The following LRRTM4 variants were observed in gnomAD, a reference collection of about 807,000 sequenced individuals.
The protein encoded by LRRTM4 is leucine rich repeat transmembrane neuronal 4.
Under a neutral mutation model 47.6 loss-of-function variants are expected in LRRTM4, and 25 were observed. The ratio of observed to expected loss-of-function variants is 0.53; its 90% CI spans 0.38 to 0.73. The LOEUF is 0.73. Ranked by LOEUF, LRRTM4 falls within the 30% of genes least tolerant of loss-of-function variation. The probability of loss-of-function intolerance (pLI) is 0.00; values close to 1 mark genes in which losing one functional copy is unlikely to be tolerated. For synonymous variants in LRRTM4, 311 were observed against 269.5 expected (o/e 1.15, Z -1.51); for missense variants, 638 against 713.4 (o/e 0.89, Z 1.20).
chr2:77,231,219 A>G (rs753127822), intron 3 of LRRTM4, among the ~76,000 whole-genome samples: 11 of 152,032 alleles, frequency 7.2e-5, no homozygotes, highest in Non-Finnish European at 1.5e-4. Flanking sequence ...ACACACACAC[A>G]CATGCACACA....
chr2:77,438,570 C>G (rs1385375652), intron 3 of LRRTM4, among the ~76,000 whole-genome samples: 1 of 151,812 alleles, frequency 6.6e-6, no homozygotes, highest in Non-Finnish European at 1.5e-5. Context: ...CCACTCCAGG[C>G]TGATTTTTTA....
chr2:76,770,801 G>A (rs1451959607), intron 3 of LRRTM4, among the ~76,000 whole-genome samples: 1 of 152,140 alleles, frequency 6.6e-6, no homozygotes, highest in East Asian at 1.9e-4. Flanking sequence ...CATAAAATAT[G>A]TCTCCATTTT....
At position 77,328,697 on chromosome 2, in the gene LRRTM4, A is replaced by G. The variant is rs536703058; in HGVS notation, c.1551+189621T>C. 5.9e-5 allele frequency among the ~76,000 whole-genome samples: 9 copies of G among 152,292 alleles called. 1 individual carries two copies. In the South Asian group the frequency reaches 1.9e-3, roughly 32 times the overall value. ...CAGTGAGCTACGATCTATGGTTTAC[A>G]AGTGCTGTCGTTGGGAGAAGTTACA... is the stretch of plus-strand genomic sequence containing the variant. On this transcript the variant is annotated intron_variant, in intron 3 of 3. Transcript: ENST00000409884.
At chr2:76,779,919 T>G (rs1386328365) in intron 3 of LRRTM4, among the ~76,000 whole-genome samples, 8 of 151,964 alleles carry the variant, frequency 5.3e-5, no homozygotes, top group Non-Finnish European at 7.4e-5. Context: ...CTTTCCATGT[T>G]TAGTGCTTCC....
intron 3 of LRRTM4, among the ~76,000 whole-genome samples, chr2:77,502,377 A>C (rs1488349997): frequency 1.3e-5 from 2 of 151,514 alleles, no homozygotes; most frequent in Non-Finnish European, 3.0e-5. Context: ...TATGAGAGAA[A>C]AAATTTATAT....
intron 3 of LRRTM4, among the ~76,000 whole-genome samples, chr2:77,001,558 A>C (rs116125894): frequency 0.012 from 1,898 of 152,264 alleles, 41 homozygotes; most frequent in African/African-American, 0.043. Context: ...GAACAGAATC[A>C]ATAAACAGCG....
intron 3 of LRRTM4, among the ~76,000 whole-genome samples, chr2:77,248,322 A>G (rs1300029862): frequency 2.0e-5 from 3 of 152,146 alleles, no homozygotes; most frequent in African/African-American, 7.2e-5. Context: ...TTGAAACAAT[A>G]AAATAGATAT....
intron 3 of LRRTM4, among the ~76,000 whole-genome samples, chr2:76,808,752 G>A (rs78959262): frequency 0.027 from 4,177 of 152,198 alleles, 191 homozygotes; most frequent in African/African-American, 0.082. Context: ...GTCTGGCCAG[G>A]CCACTTTCCT....
Position 77,018,194 on chromosome 2 carries a change from ATTTT to A in LRRTM4, c.1552-269282_1552-269279del, listed in dbSNP as rs949782820. Among the ~76,000 whole-genome samples, 4 of 129,126 alleles carry A rather than the reference ATTTT, an allele frequency of 3.1e-5. No homozygotes were observed. The South Asian group carries it at 7.4e-4, about 24-fold the overall frequency. The allele number at this position is 129,126 out of a possible 152,430, so 84.7% of individuals were successfully genotyped here. ...TGAAAAATAGGTCCCCCAAAGAAAAATTTTTTTTGTTTTTTTTTTCAAAAGTACA... is the reference window on the plus strand; with the variant it reads ...TGAAAAATAGGTCCCCCAAAGAAAAATTTTGTTTTTTTTTTCAAAAGTACA... On this transcript the variant is annotated intron_variant, in intron 3 of 3. Coordinates refer to ENST00000409884, the MANE Select transcript of LRRTM4 (RefSeq NM_001134745.3).
chr2:77,067,873 G>A (rs1275468147), intron 3 of LRRTM4, among the ~76,000 whole-genome samples: 1 of 151,864 alleles, frequency 6.6e-6, no homozygotes, highest in African/African-American at 2.4e-5. Context: ...ATACAATTGT[G>A]AATATAAAAC....
At chr2:77,177,456 A>G (rs547394167) in intron 3 of LRRTM4, among the ~76,000 whole-genome samples, 16 of 152,316 alleles carry the variant, frequency 1.1e-4, no homozygotes, top group Non-Finnish European at 2.1e-4. Flanking sequence ...AAACTGCCTC[A>G]TCTTCCCACC....
intron 3 of LRRTM4, among the ~76,000 whole-genome samples, chr2:77,408,835 T>TATA (rs1271924100): frequency 6.6e-6 from 1 of 152,216 alleles, no homozygotes; most frequent in African/African-American, 2.4e-5. Context: ...TAATATCTGT[T>TATA]TCATAAATGT....
At chr2:77,261,758 A>G (rs1675925461) in intron 3 of LRRTM4, among the ~76,000 whole-genome samples, 1 of 152,126 alleles carries the variant, frequency 6.6e-6, no homozygotes, top group Non-Finnish European at 1.5e-5. Flanking sequence ...CAACAACAAT[A>G]AAATACAGTT....
intron 3 of LRRTM4, among the ~76,000 whole-genome samples, chr2:77,212,172 G>T (rs1163188346): frequency 1.3e-5 from 2 of 151,712 alleles, no homozygotes; most frequent in Non-Finnish European, 1.5e-5. Context: ...ACATATCTAG[G>T]TTTCGAATAT....
intron 3 of LRRTM4, among the ~76,000 whole-genome samples, chr2:76,913,134 A>C (rs1402105348): frequency 2.0e-5 from 3 of 152,192 alleles, no homozygotes; most frequent in African/African-American, 4.8e-5. Flanking sequence ...TATTGAATAT[A>C]TCTTTACATC....
At chr2:77,238,348 G>T (rs1675166285) in intron 3 of LRRTM4, among the ~76,000 whole-genome samples, 1 of 152,018 alleles carries the variant, frequency 6.6e-6, no homozygotes, top group Admixed American at 6.6e-5. Context: ...CTTTGGAGGA[G>T]AACAGGACAC....
chr2:77,027,944 TCTAA>T (rs974724627), intron 3 of LRRTM4, among the ~76,000 whole-genome samples: 19 of 151,436 alleles, frequency 1.3e-4, no homozygotes, highest in Admixed American at 4.6e-4. Context: ...TGGTGAAACT[TCTAA>T]CTTTCTCTCT....
chr2:77,035,709 C>T (rs1006697781), intron 3 of LRRTM4, among the ~76,000 whole-genome samples: 3 of 151,772 alleles, frequency 2.0e-5, no homozygotes, highest in African/African-American at 7.2e-5. Context: ...TTGCATGCAT[C>T]AATAGTCCCT....
chr2:77,406,766 A>C (rs1383805849), intron 3 of LRRTM4, among the ~76,000 whole-genome samples: 1 of 152,148 alleles, frequency 6.6e-6, no homozygotes, highest in East Asian at 1.9e-4. Flanking sequence ...GATTACTTTC[A>C]TTTAATATAA....
Sources: gnomAD v4.1 joint callset for allele counts (sites outside exome capture counted in the v4.1 genomes callset) on GRCh38, gnomAD v4.1.1 for gene constraint, MANE v1.5 for transcripts, NCBI Gene and HGNC (gene_info 2026-07-23, HGNC 2026-07-21) for gene names.